Variants in RABGAP1L observed in about 807,000 individuals in gnomAD.
RABGAP1L encodes RAB GTPase activating protein 1 like.
In RABGAP1L, 63 loss-of-function variants were observed where a neutral mutation model predicts 137.7. The ratio of observed to expected loss-of-function variants is 0.46; its 90% confidence interval spans 0.37 to 0.56. The LOEUF is 0.56. Ranked by LOEUF, RABGAP1L falls within the 20% of genes least tolerant of loss-of-function variation. The probability of loss-of-function intolerance (pLI) is 0.00; values close to 1 mark genes in which losing one functional copy is unlikely to be tolerated. For missense variants in RABGAP1L, 1,095 were observed against 1,244.0 expected, an observed-to-expected ratio of 0.88 and a Z score of 1.80; for synonymous variants, 431 against 433.7, an observed-to-expected ratio of 0.99 and a Z score of 0.08.
chr1:174,833,410 A>ATATATATATG (rs1692341208), intron 19 of RABGAP1L, among the ~76,000 whole-genome samples: 7 of 69,616 alleles, frequency 1.0e-4, no homozygotes, highest in Non-Finnish European at 1.7e-4. Flanking sequence ...GTATGTGTGT[A>ATATATATATG]TGTGTGTGTG....
At chr1:174,404,123 C>G (rs1205550750) in intron 13 of RABGAP1L, among the ~76,000 whole-genome samples, 4 of 152,126 alleles carry the variant, frequency 2.6e-5, no homozygotes, top group African/African-American at 7.2e-5. Context: ...TAGGGAAAGC[C>G]AGGCTTATGC....
chr1:174,402,256 A>G lies in RABGAP1L; in HGVS notation c.1710+8111A>G, dbSNP rs140813666. Among the ~76,000 whole-genome samples the G allele has an allele frequency of 2.6e-4, 39 of 152,298 alleles. No individual in the cohort carries two copies. In the East Asian group the frequency reaches 6.8e-3, roughly 26 times the overall value. On this transcript the variant is annotated intron_variant, in intron 13 of 25. Coordinates refer to ENST00000681986, the MANE Select transcript of RABGAP1L (RefSeq NM_001366446.1). ...TCCGTGAACTCAAAAACCCAAAACT[A>G]GAATGAAAGGGACAACTCATCCCTA... is the stretch of plus-strand genomic sequence containing the variant.
intron 20 of RABGAP1L, among the ~76,000 whole-genome samples, chr1:174,968,635 T>TAAAA (rs1669861702): frequency 6.6e-6 from 1 of 152,162 alleles, no homozygotes; most frequent in South Asian, 2.1e-4. Flanking sequence ...CAGAATGTTT[T>TAAAA]AATCTGAAAT....
intron 13 of RABGAP1L, among the ~76,000 whole-genome samples, chr1:174,627,560 T>C (rs1557921921): frequency 6.6e-6 from 1 of 152,222 alleles, no homozygotes; most frequent in Non-Finnish European, 1.5e-5. Context: ...TTATATCTCA[T>C]AGAGTTGATT....
At chr1:174,871,298 T>C (rs1234862104) in intron 19 of RABGAP1L, among the ~76,000 whole-genome samples, 7 of 152,078 alleles carry the variant, frequency 4.6e-5, no homozygotes. Flanking sequence ...CACGCCTAGA[T>C]AATTTTTATA....
At chr1:174,757,569 A>G (rs1032016490) in intron 18 of RABGAP1L, among the ~76,000 whole-genome samples, 1 of 149,104 alleles carries the variant, frequency 6.7e-6, no homozygotes, top group East Asian at 1.9e-4. Flanking sequence ...TATAATAAAT[A>G]TAAATGTAAA....
At chr1:174,327,994 T>TATATATATAC (rs1680662341) in intron 11 of RABGAP1L, among the ~76,000 whole-genome samples, 1 of 77,418 alleles carries the variant, frequency 1.3e-5, no homozygotes, top group African/African-American at 6.5e-5. Flanking sequence ...CACATATATA[T>TATATATATAC]ATATATATAT....
intron 12 of RABGAP1L, among the ~76,000 whole-genome samples, chr1:174,393,053 G>C (rs541402218): frequency 3.3e-5 from 5 of 152,318 alleles, no homozygotes; most frequent in East Asian, 1.9e-4. Context: ...TTCTTGGTCA[G>C]ATGGGCATAG....
At chr1:174,498,456 A>G (rs1408934760) in intron 13 of RABGAP1L, among the ~76,000 whole-genome samples, 1 of 152,130 alleles carries the variant, frequency 6.6e-6, no homozygotes, top group Non-Finnish European at 1.5e-5. Context: ...TGGGAAATAC[A>G]TATATTTAAA....
intron 11 of RABGAP1L, among the ~76,000 whole-genome samples, chr1:174,342,673 A>G (rs1374649029): frequency 6.6e-6 from 1 of 152,100 alleles, no homozygotes; most frequent in East Asian, 1.9e-4. Flanking sequence ...TAAAATAAAA[A>G]TTTAAATCAA....
At chr1:174,218,978 G>A in intron 1 of RABGAP1L, 147 bp from the exon 2 acceptor site, 2 of 609,436 alleles carry the variant, frequency 3.3e-6, no homozygotes, top group Non-Finnish European at 5.4e-6. Context: ...GTCCAAGAAG[G>A]TAGCCTCCCT....
At chr1:174,280,046 C>A in intron 10 of RABGAP1L, among the ~76,000 whole-genome samples, 1 of 81,144 alleles carries the variant, frequency 1.2e-5, no homozygotes, top group Non-Finnish European at 2.5e-5. Context: ...GTCTGTCTGC[C>A]TGGAGAGAGA....
chr1:174,221,909 C>T (rs1028160045), intron 3 of RABGAP1L, among the ~76,000 whole-genome samples: 2 of 151,986 alleles, frequency 1.3e-5, no homozygotes, highest in Admixed American at 1.3e-4. Flanking sequence ...TTTGGTGACA[C>T]GATCTCATTC....
intron 13 of RABGAP1L, among the ~76,000 whole-genome samples, chr1:174,438,554 C>T (rs1653704122): frequency 6.6e-6 from 1 of 151,136 alleles, no homozygotes; most frequent in Non-Finnish European, 1.5e-5. Flanking sequence ...CCCATCTGTA[C>T]TAAAAATATA....
intron 13 of RABGAP1L, among the ~76,000 whole-genome samples, chr1:174,586,073 G>T (rs1669090269): frequency 6.6e-6 from 1 of 152,084 alleles, no homozygotes; most frequent in African/African-American, 2.4e-5. Flanking sequence ...ATACATGCAT[G>T]CGTATGTTCA....
At chr1:174,226,505 G>T (rs1038005992) in intron 3 of RABGAP1L, among the ~76,000 whole-genome samples, 1 of 151,400 alleles carries the variant, frequency 6.6e-6, no homozygotes, top group Non-Finnish European at 1.5e-5. Context: ...GAGATAAATT[G>T]TAACAGGCTT....
chr1:174,958,321 T>C (rs574265347), intron 20 of RABGAP1L: 5 of 743,212 alleles, frequency 6.7e-6, no homozygotes, highest in Non-Finnish European at 9.4e-6. Flanking sequence ...ATCTCTTCAA[T>C]GGTAATTAGC....
rs377360390 is a variant in RABGAP1L, at chr1:174,490,348, C to T, written c.1710+96203C>T. On this transcript the variant is annotated intron_variant, in intron 13 of 25. Coordinates refer to ENST00000681986, the MANE Select transcript of RABGAP1L (RefSeq NM_001366446.1). ...TTACAGACTCATAAGATGCCGCCTT[C>T]GTGGTCTTAGATAAGATCTGGAAGA... Among the ~76,000 whole-genome samples the T allele has an allele frequency of 5.3e-5, 8 of 152,266 alleles. No individual in the cohort carries two copies. In the East Asian group the frequency reaches 1.2e-3, roughly 22 times the overall value.
chr1:174,584,005 C>CATGG (rs1668933752), intron 13 of RABGAP1L, among the ~76,000 whole-genome samples: 1 of 152,060 alleles, frequency 6.6e-6, no homozygotes, highest in Non-Finnish European at 1.5e-5. Context: ...GTTTTTTTCA[C>CATGG]TTCCATAAGC....
Sources: gnomAD v4.1 joint callset for allele counts (sites outside exome capture counted in the v4.1 genomes callset) on GRCh38, gnomAD v4.1.1 for gene constraint, MANE v1.5 for transcripts, NCBI Gene and HGNC (gene_info 2026-07-23, HGNC 2026-07-21) for gene names.